The following AKAP6 variants were observed in gnomAD, a reference collection of about 807,000 sequenced individuals.
AKAP6 encodes A-kinase anchor protein 6.
In AKAP6, 58 loss-of-function variants were observed where a neutral mutation model predicts 188.5. That is an observed-to-expected ratio of 0.31 (90% CI 0.25 to 0.38). The LOEUF is 0.38. AKAP6 is among the 10% of genes least tolerant of loss of function. The pLI is 1.00. For synonymous variants in AKAP6, 989 were observed against 998.6 expected (o/e 0.99, Z 0.18); for missense variants, 2,710 against 2,740.0 (o/e 0.99, Z 0.24).
intron 9 of AKAP6, among the ~76,000 whole-genome samples, chr14:32,704,849 A>G (rs1486910311): frequency 1.3e-5 from 2 of 152,196 alleles, no homozygotes; most frequent in East Asian, 3.8e-4. Context: ...TAAGGTACAT[A>G]TGCTATTTGG....
At chr14:32,675,489 T>C (rs886633783) in intron 7 of AKAP6, among the ~76,000 whole-genome samples, 3 of 152,232 alleles carry the variant, frequency 2.0e-5, no homozygotes, top group Non-Finnish European at 2.9e-5. Flanking sequence ...TCTTCAACTC[T>C]TTCTCTTAAA....
intron 3 of AKAP6, among the ~76,000 whole-genome samples, chr14:32,536,923 T>A (rs1882708979): frequency 6.6e-6 from 1 of 152,188 alleles, no homozygotes; most frequent in Non-Finnish European, 1.5e-5. Context: ...GTCCTTCGGC[T>A]CTTAATACCC....
chr14:32,475,224 A>C (rs1878998814), intron 2 of AKAP6, among the ~76,000 whole-genome samples: 1 of 152,174 alleles, frequency 6.6e-6, no homozygotes, highest in African/African-American at 2.4e-5. Context: ...CCTAGTCCTG[A>C]CACACAACAC....
At chr14:32,784,286 C>T (rs2033338616) in intron 12 of AKAP6, among the ~76,000 whole-genome samples, 1 of 152,102 alleles carries the variant, frequency 6.6e-6, no homozygotes, top group African/African-American at 2.4e-5. Flanking sequence ...ACACATGCTT[C>T]ACAGAAACTC....
chr14:32,330,103 G>T (rs536228189), intron 1 of AKAP6, among the ~76,000 whole-genome samples: 1 of 152,034 alleles, frequency 6.6e-6, no homozygotes. Flanking sequence ...TTGTTTGCAG[G>T]CTGACTTGTA....
At position 32,835,053 on chromosome 14, in the gene AKAP6, T is replaced by C. The variant is rs2034860346; in HGVS notation, c.*5248T>C. On this transcript the variant is annotated 3_prime_UTR_variant, in exon 14 of 14. Coordinates refer to ENST00000280979, the MANE Select transcript of AKAP6 (RefSeq NM_004274.5). ...ATTAGAACACATCCACGCACATTTGTTTCCATAGTCTACGGATGCTTTGAC... is the reference window on the plus strand; with the variant it reads ...ATTAGAACACATCCACGCACATTTGCTTCCATAGTCTACGGATGCTTTGAC... The C allele has an allele frequency of 6.6e-6, 1 of 152,236 alleles. No individual in the cohort carries two copies. Among genetic ancestry groups the C allele is most frequent in the Admixed American group, 6.5e-5 (1 of 15,286 alleles). 9.4% of individuals were successfully genotyped at this position (152,236 alleles called of 1,614,324 possible). A position where few individuals can be genotyped will look rare whatever the true frequency, so the allele number is the denominator to read the frequency against.
At chr14:32,747,863 T>C (rs756515748) in intron 11 of AKAP6, among the ~76,000 whole-genome samples, 1 of 152,190 alleles carries the variant, frequency 6.6e-6, no homozygotes, top group Admixed American at 6.5e-5. Context: ...TCCTATGAAG[T>C]AGAGAGTTCT....
intron 2 of AKAP6, among the ~76,000 whole-genome samples, chr14:32,528,284 C>G (rs1040990443): frequency 2.0e-5 from 3 of 151,512 alleles, no homozygotes; most frequent in African/African-American, 7.3e-5. Flanking sequence ...GTGGGTCTAC[C>G]TCTAGGCTGT....
chr14:32,565,620 C>A (rs1219259912), intron 4 of AKAP6, among the ~76,000 whole-genome samples: 3 of 152,214 alleles, frequency 2.0e-5, no homozygotes, highest in Admixed American at 1.3e-4. Context: ...CAGAGTGAGT[C>A]TTCTAAGAAG....
At chr14:32,350,350 T>C (rs1353158726) in intron 1 of AKAP6, among the ~76,000 whole-genome samples, 1 of 152,230 alleles carries the variant, frequency 6.6e-6, no homozygotes, top group Non-Finnish European at 1.5e-5. Context: ...TAATTCATTT[T>C]AATTATCAGA....
chr14:32,498,672 T>A (rs553772363), intron 2 of AKAP6, among the ~76,000 whole-genome samples: 1 of 152,216 alleles, frequency 6.6e-6, no homozygotes, highest in South Asian at 2.1e-4. Flanking sequence ...CACTACTTGG[T>A]CTTGCCCTTA....
At chr14:32,351,467 C>T (rs1887264794) in intron 1 of AKAP6, among the ~76,000 whole-genome samples, 1 of 151,132 alleles carries the variant, frequency 6.6e-6, no homozygotes, top group Non-Finnish European at 1.5e-5. Flanking sequence ...GAGACTGAGG[C>T]AGGAGAATCG....
rs150759724 is a variant in AKAP6, at chr14:32,790,022, A to G, written c.3588+16129A>G. On this transcript the variant is annotated intron_variant, in intron 12 of 13. Coordinates refer to ENST00000280979, the MANE Select transcript of AKAP6 (RefSeq NM_004274.5). Reference sequence around the variant, plus strand: ...GCCAGAATAGCCAGTTTAGAGAGGAACATAACTGACCTAATGGAGCTGAAA... The same window carrying G: ...GCCAGAATAGCCAGTTTAGAGAGGAGCATAACTGACCTAATGGAGCTGAAA... Among the ~76,000 whole-genome samples, 1,493 of 152,358 alleles carry G rather than the reference A, an allele frequency of 9.8e-3. 30 individuals carry two copies. The highest frequency in any genetic ancestry group is 0.034 in the African/African-American group (1,423 of 41,582).
chr14:32,822,544 A>G lies in AKAP6; in HGVS notation c.4731A>G (p.Leu1577=). 6.2e-7 allele frequency: 1 copy of G among 1,614,004 alleles called. No individual in the cohort carries two copies. The highest frequency in any genetic ancestry group is 1.6e-4 in the Middle Eastern group (1 of 6,062). The change falls in exon 13 of 14, where the codon TTA becomes TTG. Residue 1577 remains leucine (L), a synonymous_variant. Coordinates refer to ENST00000280979, the MANE Select transcript of AKAP6 (RefSeq NM_004274.5). ...SIESLSPGGD[L]FGLGIFKNGS... ...AGTCCCTTTCTCCAGGGGGTGATTT[A>G]TTTGGATTGGGCATCTTTAAAAATG...
At chr14:32,713,432 C>T (rs764462750) in intron 9 of AKAP6, among the ~76,000 whole-genome samples, 12 of 150,404 alleles carry the variant, frequency 8.0e-5, no homozygotes, top group Non-Finnish European at 1.6e-4. Context: ...ATTGACTTCT[C>T]CTCTCTAGCC....
At chr14:32,671,771 G>C (rs536665153) in intron 7 of AKAP6, among the ~76,000 whole-genome samples, 13 of 151,886 alleles carry the variant, frequency 8.6e-5, no homozygotes, top group African/African-American at 3.1e-4. Flanking sequence ...TCTAGTATGA[G>C]TGAACAGGGA....
chr14:32,599,542 T>G, intron 6 of AKAP6, 36 bp downstream of exon 6: 3 of 1,519,044 alleles, frequency 2.0e-6, no homozygotes, highest in Non-Finnish European at 2.7e-6. Context: ...TCTTTACGTC[T>G]CCAGACTATT....
intron 2 of AKAP6, among the ~76,000 whole-genome samples, chr14:32,454,632 C>CTTCT (rs1299235521): frequency 6.8e-6 from 1 of 147,334 alleles, no homozygotes; most frequent in East Asian, 2.0e-4. Flanking sequence ...TCCTTCCTTC[C>CTTCT]TTCCCTCCCT....
At chr14:32,454,690 TCC>T (rs1197928635) in intron 2 of AKAP6, among the ~76,000 whole-genome samples, 4 of 33,248 alleles carry the variant, frequency 1.2e-4, no homozygotes, top group African/African-American at 4.3e-4. Context: ...CCTCCTTCCC[TCC>T]CTCCCTCCCT....
Sources: gnomAD v4.1 joint callset for allele counts (sites outside exome capture counted in the v4.1 genomes callset) on GRCh38, gnomAD v4.1.1 for gene constraint, MANE v1.5 for transcripts, NCBI Gene and HGNC (gene_info 2026-07-23, HGNC 2026-07-21) for gene names.